Variants in PROM1 observed in about 807,000 individuals in gnomAD.
PROM1 encodes prominin-1.
PROM1 carries 105 observed loss-of-function variants against 116.9 expected under a neutral mutation model. The observed-to-expected ratio is 0.90, with a 90% CI of 0.77 to 1.06. PROM1 has a LOEUF of 1.06. Among genes scored for constraint, PROM1 ranks in the 50% least tolerant of loss-of-function variants. PROM1 has a pLI of 0.00. For missense variants in PROM1, 1,122 were observed against 1,045.2 expected (o/e 1.07, Z -1.01); for synonymous variants, 393 against 387.0 (o/e 1.02, Z -0.18).
rs78628979 is a variant in PROM1, at chr4:15,971,574, G to T, written c.2583-492C>A. The T allele has an allele frequency of 2.8e-3, 425 of 153,922 alleles. 11 individuals carry two copies. In the East Asian group the frequency reaches 0.055, roughly 20 times the overall value. 9.5% of individuals were successfully genotyped at this position (153,922 alleles called of 1,614,324 possible). The stretch of plus-strand genomic sequence containing the variant: ...CTCTCTGGGTGAACCATCAACAGTA[G>T]CCCTAGTGTCCTCTAAAGTGACTCT... On this transcript the variant is annotated intron_variant, in intron 26 of 27. Coordinates refer to ENST00000447510, the MANE Select transcript of PROM1 (RefSeq NM_006017.3).
intron 10 of PROM1, 43 bp downstream of exon 10, chr4:16,016,123 A>G (rs1578041384): frequency 6.7e-7 from 1 of 1,485,328 alleles, no homozygotes; most frequent in Non-Finnish European, 9.2e-7. Context: ...CCACCCTTTA[A>G]AATGATATAA....
chr4:16,047,990 A>C (rs981375113), intron 2 of PROM1, among the ~76,000 whole-genome samples: 1 of 152,204 alleles, frequency 6.6e-6, no homozygotes, highest in African/African-American at 2.4e-5. Flanking sequence ...AGTTCAAATA[A>C]ATGCCTTTTG....
intron 10 of PROM1, 61 bp from the exon 11 acceptor site, chr4:16,013,399 CACTCA>C: frequency 1.6e-6 from 2 of 1,255,906 alleles, no homozygotes; most frequent in Non-Finnish European, 2.3e-6. Context: ...GTTGACTAGT[CACTCA>C]TTTTGCAACT....
rs759487438 is a variant in PROM1 at position 15,979,432 on chromosome 4, C to T, written c.2545G>A (p.Asp849Asn). Residue 849 changes from aspartate to asparagine, a missense_variant, in exon 26 of 28, where the codon GAT becomes AAT. By Grantham distance (23) the Asp-to-Asn change is conservative (BLOSUM62 1). Coordinates refer to ENST00000447510, the MANE Select transcript of PROM1 (RefSeq NM_006017.3). ...MENGNNGYHK[D>N]HVYGIHNPVM... ...GGATTGTGAATACCATATACATGAT[C>T]TTTATGATAACCATTATTACCATTT... 3.1e-6 allele frequency: 5 copies of T among 1,612,516 alleles called. No individual in the cohort carries two copies. In the Admixed American group the frequency reaches 5.0e-5, roughly 16 times the overall value.
intron 14 of PROM1, 58 bp from the exon 15 acceptor site, chr4:15,998,546 A>G: frequency 7.3e-7 from 1 of 1,366,134 alleles, no homozygotes; most frequent in East Asian, 2.9e-5. Flanking sequence ...ATACATACTA[A>G]TATAATAAAA....
Position 16,075,749 on chromosome 4 carries a change from C to G in PROM1, c.158G>C (p.Gly53Ala). 1 of 1,613,786 alleles carries G rather than the reference C, an allele frequency of 6.2e-7. No individual in the cohort carries two copies. Among genetic ancestry groups the G allele is most frequent in the Non-Finnish European group, 8.5e-7 (1 of 1,179,852 alleles). The change falls in exon 2 of 28, where the codon GGC becomes GCC. Residue 53 changes from glycine to alanine, a missense_variant. Gly to Ala is a moderately conservative substitution (Grantham distance 60). Transcript: ENST00000447510. ...GATATGCACTAGTTCAAAGAGAATG[C>G]CAATGGGTCCAGCTTTATGGGAGTC... ...TQDSHKAGPI[G>A]ILFELVHIFL...
chr4:16,068,161 A>C (rs1156617582), intron 2 of PROM1, among the ~76,000 whole-genome samples: 3 of 152,140 alleles, frequency 2.0e-5, no homozygotes, highest in African/African-American at 7.2e-5. Flanking sequence ...GAGTGCCCTG[A>C]GAGAACCCGG....
intron 26 of PROM1, among the ~76,000 whole-genome samples, chr4:15,973,522 G>A (rs1715217470): frequency 6.6e-6 from 1 of 152,130 alleles, no homozygotes; most frequent in Non-Finnish European, 1.5e-5. Flanking sequence ...GCAAGAAGGT[G>A]GTTCACAGAC....
At position 16,035,898 on chromosome 4, in the gene PROM1, T is replaced by C. The variant is rs1217351266; in HGVS notation, c.277-137A>G. On this transcript the variant is annotated intron_variant, in intron 3 of 27. Transcript: ENST00000447510. ...AGGAGGAAATTGGGTGATAGAAGGATAAACATGAGAAAGGAATATAAAACT... is the reference window on the plus strand; with the variant it reads ...AGGAGGAAATTGGGTGATAGAAGGACAAACATGAGAAAGGAATATAAAACT... 5.0e-6 allele frequency: 4 copies of C among 806,632 alleles called. No homozygotes were observed. The East Asian group carries it at 9.7e-5, about 20-fold the overall frequency. 50.0% of individuals were successfully genotyped at this position (806,632 alleles called of 1,614,324 possible). A position where few individuals can be genotyped will look rare whatever the true frequency, so the allele number is the denominator to read the frequency against.
chr4:16,049,728 TATAAG>T (rs1185178157), intron 2 of PROM1, among the ~76,000 whole-genome samples: 10 of 151,234 alleles, frequency 6.6e-5, no homozygotes, highest in East Asian at 5.8e-4. Context: ...TATATATATA[TATAAG>T]ATATGTATAT....
At chr4:15,994,209 G>T in intron 15 of PROM1, 138 bp from the exon 16 acceptor site, 1 of 1,478,296 alleles carries the variant, frequency 6.8e-7, no homozygotes. Context: ...CATGTCCCCA[G>T]TGGCCACACA....
chr4:16,003,895 T>C (rs1439014210), intron 13 of PROM1, among the ~76,000 whole-genome samples: 1 of 152,202 alleles, frequency 6.6e-6, no homozygotes, highest in African/African-American at 2.4e-5. Context: ...TGGTATCCTT[T>C]TGGGAGGTAA....
At chr4:15,995,414 A>G (rs1402229644) in intron 15 of PROM1, among the ~76,000 whole-genome samples, 2 of 152,058 alleles carry the variant, frequency 1.3e-5, no homozygotes, top group Non-Finnish European at 2.9e-5. Context: ...GGAGAAGAAG[A>G]GGAGGAGGAA....
chr4:16,054,554 T>C (rs1370595214), intron 2 of PROM1, among the ~76,000 whole-genome samples: 1 of 152,192 alleles, frequency 6.6e-6, no homozygotes, highest in African/African-American at 2.4e-5. Context: ...AGAAACTTAA[T>C]GCTGTGTAAC....
At chr4:15,985,860 TA>T in intron 21 of PROM1, 32 bp from the exon 22 acceptor site, 2 of 1,517,440 alleles carry the variant, frequency 1.3e-6, no homozygotes, top group Non-Finnish European at 9.1e-7. Flanking sequence ...GTAGAAGCAT[TA>T]AAATGATGAC....
At chr4:16,037,643 C>T (rs1028032650) in intron 3 of PROM1, among the ~76,000 whole-genome samples, 1 of 152,084 alleles carries the variant, frequency 6.6e-6, no homozygotes, top group Non-Finnish European at 1.5e-5. Context: ...ACTGGTAGCC[C>T]GATAACCGCC....
chr4:15,968,685 T>C lies in PROM1; in HGVS notation c.*708A>G, dbSNP rs1304676756. ...TCTCTCTCAAGATCTCTCTCTCTCT[T>C]TTGAATTTGTCAGATGGAGTTACGC... On this transcript the variant is annotated 3_prime_UTR_variant, in exon 28 of 28. Transcript: ENST00000447510. The C allele has an allele frequency of 2.0e-5, 3 of 152,226 alleles. No homozygotes were observed. The highest frequency in any genetic ancestry group is 7.2e-5 in the African/African-American group (3 of 41,460). 9.4% of individuals were successfully genotyped at this position (152,226 alleles called of 1,614,324 possible). A position where few individuals can be genotyped will look rare whatever the true frequency, so the allele number is the denominator to read the frequency against.
At chr4:16,082,596 G>C (rs969514740) in intron 1 of PROM1, 1 of 152,282 alleles carries the variant, frequency 6.6e-6, no homozygotes, top group African/African-American at 2.4e-5. Flanking sequence ...CGAGCTGCGG[G>C]ACACAAAAGA....
chr4:16,039,533 T>C (rs1578164759), intron 2 of PROM1, among the ~76,000 whole-genome samples: 1 of 151,102 alleles, frequency 6.6e-6, no homozygotes. Context: ...AGGCCAGGAG[T>C]TCAAGACCAG....
Sources: allele counts gnomAD v4.1 joint callset (sites outside exome capture counted in the v4.1 genomes callset), GRCh38; gene constraint gnomAD v4.1.1; transcripts MANE v1.5; gene names NCBI Gene and HGNC (gene_info 2026-07-23, HGNC 2026-07-21).